Variants in CD59 observed in about 807,000 individuals in gnomAD.
CD59 encodes CD59 glycoprotein.
In CD59, 3 loss-of-function variants were observed where a neutral mutation model predicts 7.0. That is an observed-to-expected ratio of 0.43 (90% CI 0.19 to 1.10). CD59 has a LOEUF of 1.10. CD59 is among the 50% of genes least tolerant of loss of function. The pLI is 0.29. For missense variants in CD59, 143 were observed against 151.0 expected (o/e 0.95, Z 0.28); for synonymous variants, 60 against 62.0 (o/e 0.97, Z 0.15).
rs1853403501 is a variant in CD59, at chr11:33,708,471, C to G, written c.*1655G>C. ...GCTGAATTCCCCACCCCCCCGCCCCCAAAAAAGTTCCCAGAAATTCATTTT... is the reference window on the plus strand; with the variant it reads ...GCTGAATTCCCCACCCCCCCGCCCCGAAAAAAGTTCCCAGAAATTCATTTT... On this transcript the variant is annotated 3_prime_UTR_variant, in exon 4 of 4. Coordinates refer to ENST00000642928, the MANE Select transcript of CD59 (RefSeq NM_000611.6). 1 of 144,226 alleles carries G rather than the reference C, an allele frequency of 6.9e-6. No homozygotes were observed. The highest frequency in any genetic ancestry group is 2.5e-5 in the African/African-American group (1 of 39,790). The allele number at this position is 144,226 out of a possible 1,614,324, so 8.9% of individuals were successfully genotyped here.
Position 33,724,189 on chromosome 11 carries a change from G to A in CD59, c.-18-1726C>T, listed in dbSNP as rs535328853. Among the ~76,000 whole-genome samples, 10 of 152,304 alleles carry A rather than the reference G, an allele frequency of 6.6e-5. No individual in the cohort carries two copies. The East Asian group carries it at 7.7e-4, about 12-fold the overall frequency. ...GAGGAAGGAAGGAATCTCCTGACTCGGGTTAGGCACTGGAAAGGTGTCAGG... is the reference window on the plus strand; with the variant it reads ...GAGGAAGGAAGGAATCTCCTGACTCAGGTTAGGCACTGGAAAGGTGTCAGG... On this transcript the variant is annotated intron_variant, in intron 1 of 3. Transcript: ENST00000642928.
chr11:33,722,841 A>T, intron 1 of CD59: 1 of 933,938 alleles, frequency 1.1e-6, no homozygotes, highest in Non-Finnish European at 1.4e-6. Context: ...CACTAAGTGA[A>T]TCAGACCAAA....
At chr11:33,731,388 A>T (rs181896321) in intron 1 of CD59, 24 of 152,322 alleles carry the variant, frequency 1.6e-4, no homozygotes, top group Admixed American at 3.3e-4. Flanking sequence ...TAATTATTTA[A>T]TAACATTTAA....
intron 3 of CD59, among the ~76,000 whole-genome samples, chr11:33,712,540 C>T (rs945244888): frequency 6.6e-6 from 1 of 152,168 alleles, no homozygotes; most frequent in Non-Finnish European, 1.5e-5. Context: ...CAAAGTGCCA[C>T]AATACTGTAT....
chr11:33,723,046 A>G, intron 1 of CD59: 1 of 787,102 alleles, frequency 1.3e-6, no homozygotes, highest in Non-Finnish European at 1.6e-6. Context: ...GTGTAGTGAT[A>G]GCATCAGGTG....
intron 3 of CD59, among the ~76,000 whole-genome samples, chr11:33,711,819 T>C (rs561294234): frequency 2.0e-5 from 3 of 152,354 alleles, no homozygotes; most frequent in South Asian, 2.1e-4. Context: ...TACCACTTTA[T>C]ACTCACTAGG....
In CD59 at chr11:33,717,408, C is replaced by G; in HGVS notation, c.131G>C (p.Cys44Ser). 1 of 1,613,676 alleles carries G rather than the reference C, an allele frequency of 6.2e-7. No individual in the cohort carries two copies. Among genetic ancestry groups the G allele is most frequent in the Non-Finnish European group, 8.5e-7 (1 of 1,179,660 alleles). ...GAGACACGCATCAAAATCAGATGAA[C>G]AATTGACGGCTGTTTTGCAGTCAGC... ...PTADCKTAVN[C>S]SSDFDACLIT... Residue 44 changes from cysteine to serine, a missense_variant, in exon 3 of 4, where the codon TGT becomes TCT. Cys to Ser is a moderately radical substitution (Grantham distance 112, BLOSUM62 -1). Coordinates refer to ENST00000642928, the MANE Select transcript of CD59 (RefSeq NM_000611.6).
rs958540999 is a variant in CD59 at position 33,736,205 on chromosome 11, G to A, written c.-19+177C>T. On this transcript the variant is annotated intron_variant, in intron 1 of 3. Coordinates refer to ENST00000642928, the MANE Select transcript of CD59 (RefSeq NM_000611.6). The surrounding 1 kb of genome is among the most constrained non-coding windows in gnomAD (Gnocchi z 4.4). ...TAAAATGAAGCCAGCGTTCGGCTAG[G>A]ACACCGGGCCGCGGTGACGGGTTGG... 6.6e-6 allele frequency among the ~76,000 whole-genome samples: 1 copy of A among 152,178 alleles called. No homozygotes were observed. The highest frequency in any genetic ancestry group is 2.4e-5 in the African/African-American group (1 of 41,442).
intron 2 of CD59, among the ~76,000 whole-genome samples, chr11:33,720,644 G>A (rs1854014899): frequency 2.0e-5 from 3 of 152,196 alleles, no homozygotes. Flanking sequence ...CAGGAGAATC[G>A]CTGGAACCTG....
rs540671021 is a variant in CD59 at position 33,714,471 on chromosome 11, C to T, written c.169+2899G>A. On this transcript the variant is annotated intron_variant, in intron 3 of 3. Transcript: ENST00000642928. The stretch of plus-strand genomic sequence containing the variant: ...TGGAAGTCAGTGAATGAGTGGTGGG[C>T]GAATGTGAAGGCCTAGGACATTGCT... Among the ~76,000 whole-genome samples, 23 of 152,196 alleles carry T rather than the reference C, an allele frequency of 1.5e-4. No individual in the cohort carries two copies. The South Asian group carries it at 3.5e-3, about 23-fold the overall frequency.
intron 1 of CD59, among the ~76,000 whole-genome samples, chr11:33,726,061 G>C (rs1451933085): frequency 6.6e-6 from 1 of 152,208 alleles, no homozygotes; most frequent in African/African-American, 2.4e-5. Flanking sequence ...AAGAGACTTA[G>C]ATTTCCACAC....
At chr11:33,726,697 TA>T (rs1854268979) in intron 1 of CD59, among the ~76,000 whole-genome samples, 1 of 152,084 alleles carries the variant, frequency 6.6e-6, no homozygotes, top group African/African-American at 2.4e-5. Flanking sequence ...GTGAAGGAGA[TA>T]GAGATACAAA....
intron 1 of CD59, among the ~76,000 whole-genome samples, chr11:33,725,573 C>A (rs567615535): frequency 9.2e-5 from 14 of 152,026 alleles, no homozygotes; most frequent in Non-Finnish European, 1.8e-4. Flanking sequence ...ACAAGTCTTC[C>A]CCCATGATGA....
chr11:33,729,216 T>C (rs951733503), intron 1 of CD59, among the ~76,000 whole-genome samples: 2 of 152,216 alleles, frequency 1.3e-5, no homozygotes, highest in South Asian at 2.1e-4. Context: ...CGTATGCTTA[T>C]TGCAGCACTG....
intron 1 of CD59, among the ~76,000 whole-genome samples, chr11:33,729,331 C>G (rs541834725): frequency 6.6e-6 from 1 of 152,170 alleles, no homozygotes; most frequent in Admixed American, 6.5e-5. Context: ...AGTTATAGTT[C>G]TTTGCAGGAA....
chr11:33,710,546 T>C (rs1327050741), intron 3 of CD59, among the ~76,000 whole-genome samples: 1 of 152,134 alleles, frequency 6.6e-6, no homozygotes, highest in East Asian at 1.9e-4. Flanking sequence ...AACCAAGGTC[T>C]CATCAGAGCC....
At chr11:33,730,969 C>G (rs945675034) in intron 1 of CD59, among the ~76,000 whole-genome samples, 3 of 152,168 alleles carry the variant, frequency 2.0e-5, no homozygotes, top group Non-Finnish European at 4.4e-5. Flanking sequence ...AACTATAGTA[C>G]AGAACTGTAA....
rs1853456351 is a variant in CD59, at chr11:33,709,712, C to T, written c.*414G>A. ...ATCCCTGAAGTTTATGAAAGCGTTC[C>T]ATGTGAGAGAGGATGCTCATATACT... On this transcript the variant is annotated 3_prime_UTR_variant, in exon 4 of 4. Transcript: ENST00000642928. The T allele has an allele frequency of 3.6e-6, 1 of 280,658 alleles. No homozygotes were observed. Among genetic ancestry groups the T allele is most frequent in the Non-Finnish European group, 6.9e-6 (1 of 144,916 alleles). The allele number at this position is 280,658 out of a possible 1,614,324, so 17.4% of individuals were successfully genotyped here.
intron 3 of CD59, among the ~76,000 whole-genome samples, chr11:33,710,636 T>C (rs1853503548): frequency 6.6e-6 from 1 of 152,192 alleles, no homozygotes; most frequent in Non-Finnish European, 1.5e-5. Context: ...TCTGCCAAGA[T>C]TTTAAACACA....
Sources: allele counts gnomAD v4.1 joint callset (sites outside exome capture counted in the v4.1 genomes callset), GRCh38; gene constraint gnomAD v4.1.1; non-coding constraint Gnocchi (gnomAD v3.1); transcripts MANE v1.5; gene names NCBI Gene and HGNC (gene_info 2026-07-23, HGNC 2026-07-21).